Variants in POLR3E observed in about 807,000 individuals in gnomAD.
POLR3E encodes DNA-directed RNA polymerase III subunit RPC5.
POLR3E carries 41 observed loss-of-function variants against 96.6 expected under a neutral mutation model. The ratio of observed to expected loss-of-function variants is 0.42; its 90% confidence interval spans 0.33 to 0.55. The LOEUF (loss-of-function observed/expected upper bound fraction) is 0.55, where lower values mean the gene tolerates loss of function less well. Among genes scored for constraint, POLR3E ranks in the 20% least tolerant of loss-of-function variants. The pLI is 0.06. For synonymous variants in POLR3E, 396 were observed against 383.6 expected, an observed-to-expected ratio of 1.03 and a Z score of -0.38; for missense variants, 849 against 952.1, an observed-to-expected ratio of 0.89 and a Z score of 1.43.
chr16:22,327,207 G>T (rs1387895041), intron 18 of POLR3E: 2 of 152,338 alleles, frequency 1.3e-5, no homozygotes, highest in Admixed American at 6.5e-5. Context: ...CTTGGGTGAT[G>T]ATCTGAGGCC....
At position 22,309,174 on chromosome 16, in the gene POLR3E, C is replaced by T. The variant is rs573396861; in HGVS notation, c.281+134C>T. ...GTGTCCCAGCCTTTGGAGGGCTGGG[C>T]CTGTCTCAGACTCTGCCCTCCTGAA... On this transcript the variant is annotated intron_variant, in intron 5 of 20. Transcript: ENST00000299853. The T allele has an allele frequency of 2.7e-4, 181 of 678,160 alleles. No homozygotes were observed. In the African/African-American group the frequency reaches 2.8e-3, roughly 11 times the overall value. 42.0% of individuals were successfully genotyped at this position (678,160 alleles called of 1,614,324 possible).
At chr16:22,309,168 G>A in intron 5 of POLR3E, 128 bp downstream of exon 5, 1 of 693,218 alleles carries the variant, frequency 1.4e-6, no homozygotes. Flanking sequence ...CCTTTGGAGG[G>A]CTGGGCCTGT....
At chr16:22,309,159 C>G in intron 5 of POLR3E, 119 bp downstream of exon 5, 1 of 715,638 alleles carries the variant, frequency 1.4e-6, no homozygotes, top group Non-Finnish European at 2.4e-6. Context: ...GTGTCCCAGC[C>G]TTTGGAGGGC....
chr16:22,314,891 A>G (rs1264336457), intron 8 of POLR3E, 198 bp from the exon 9 acceptor site: 6 of 520,952 alleles, frequency 1.2e-5, no homozygotes, highest in Non-Finnish European at 2.0e-5. Context: ...ACGAGCAAGT[A>G]TAAGCCGTTC....
chr16:22,300,783 T>C (rs560164657), intron 1 of POLR3E, among the ~76,000 whole-genome samples: 8 of 152,228 alleles, frequency 5.3e-5, no homozygotes, highest in Non-Finnish European at 1.2e-4. Flanking sequence ...ACCCGCTCCA[T>C]GTCTTCCTCT....
intron 14 of POLR3E, 22 bp from the exon 15 acceptor site, chr16:22,324,332 T>G: frequency 6.2e-7 from 1 of 1,609,438 alleles, no homozygotes. Flanking sequence ...GCCCCTGGAA[T>G]GTGCTGCTTC....
At chr16:22,311,049 T>G (rs1255312435) in intron 6 of POLR3E, among the ~76,000 whole-genome samples, 2 of 152,200 alleles carry the variant, frequency 1.3e-5, no homozygotes, top group East Asian at 3.8e-4. Context: ...CACTGAAACC[T>G]CTGCCTTCCG....
intron 6 of POLR3E, among the ~76,000 whole-genome samples, chr16:22,310,631 A>AC (rs2048227191): frequency 6.6e-6 from 1 of 151,310 alleles, no homozygotes; most frequent in African/African-American, 2.4e-5. Flanking sequence ...TTAAAAAAAA[A>AC]AAAAAAAAGG....
At chr16:22,309,061 C>T (rs912179413) in intron 5 of POLR3E, 21 bp downstream of exon 5, 81 of 1,555,632 alleles carry the variant, frequency 5.2e-5, no homozygotes, top group Non-Finnish European at 6.6e-5. Context: ...GGCCCCAAGC[C>T]TGTCCGGTTT....
intron 14 of POLR3E, 129 bp from the exon 15 acceptor site, chr16:22,324,225 G>A: frequency 1.4e-6 from 1 of 699,990 alleles, no homozygotes. Flanking sequence ...CACACTGTTG[G>A]GAAGAATCAA....
chr16:22,305,363 T>C (rs1282530061), intron 3 of POLR3E, 157 bp downstream of exon 3: 1 of 717,730 alleles, frequency 1.4e-6, no homozygotes, highest in African/African-American at 1.7e-5. Context: ...GGGTTAATAT[T>C]GGTCTCATTT....
chr16:22,308,049 C>A, intron 3 of POLR3E, 99 bp from the exon 4 acceptor site: 1 of 849,524 alleles, frequency 1.2e-6, no homozygotes. Context: ...CCAGTCTCTG[C>A]TTGGGGTGGG....
intron 6 of POLR3E, among the ~76,000 whole-genome samples, chr16:22,312,873 CAAAAAAAAAAAA>C (rs1167609047): frequency 2.3e-4 from 7 of 30,406 alleles, no homozygotes; most frequent in African/African-American, 4.6e-4. Flanking sequence ...CACTCCATCT[CAAAAAAAAAAAA>C]AAAAAAAAAA....
At chr16:22,306,880 A>G (rs2048143964) in intron 3 of POLR3E, among the ~76,000 whole-genome samples, 1 of 152,140 alleles carries the variant, frequency 6.6e-6, no homozygotes, top group African/African-American at 2.4e-5. Context: ...GGAGGCCTTC[A>G]CGGGCACGGA....
At chr16:22,311,865 G>A (rs2141757505) in intron 6 of POLR3E, among the ~76,000 whole-genome samples, 1 of 152,230 alleles carries the variant, frequency 6.6e-6, no homozygotes, top group Admixed American at 6.5e-5. Flanking sequence ...GTAACATGCT[G>A]TACAGTGTGT....
intron 18 of POLR3E, 87 bp downstream of exon 18, chr16:22,326,365 C>G (rs1231688012): frequency 8.5e-7 from 1 of 1,176,024 alleles, no homozygotes; most frequent in Non-Finnish European, 1.2e-6. Flanking sequence ...ACACGGGAGG[C>G]CATGCTTGGT....
intron 19 of POLR3E, 169 bp from the exon 20 acceptor site, chr16:22,331,891 T>G: frequency 1.6e-6 from 1 of 623,798 alleles, no homozygotes; most frequent in Non-Finnish European, 2.8e-6. Context: ...TACACTGTCT[T>G]GCTGGGTCTC....
chr16:22,313,981 C>A lies in POLR3E; in HGVS notation c.473-98C>A. ...GGCAGCTCCCTCTGCGAGGAGAACT[C>A]CCAGCACCCCGGCCTGAGGCTTCCC... is the stretch of plus-strand genomic sequence containing the variant. On this transcript the variant is annotated intron_variant, in intron 7 of 20. Coordinates refer to ENST00000299853, the MANE Select transcript of POLR3E (RefSeq NM_018119.4). This position sits in a 1 kb window ranked among gnomAD's most constrained non-coding sequence, Gnocchi z 4.1. 1 of 1,096,650 alleles carries A rather than the reference C, an allele frequency of 9.1e-7. No individual in the cohort carries two copies. The allele number at this position is 1,096,650 out of a possible 1,614,324, so 67.9% of individuals were successfully genotyped here.
intron 6 of POLR3E, among the ~76,000 whole-genome samples, chr16:22,311,184 G>T (rs1317582618): frequency 1.3e-5 from 2 of 151,062 alleles, no homozygotes; most frequent in African/African-American, 4.9e-5. Flanking sequence ...GGCCAGGCTG[G>T]TCTCGAACTC....
Sources: allele counts gnomAD v4.1 joint callset (sites outside exome capture counted in the v4.1 genomes callset), GRCh38; gene constraint gnomAD v4.1.1; non-coding constraint Gnocchi (gnomAD v3.1); transcripts MANE v1.5; gene names NCBI Gene and HGNC (gene_info 2026-07-23, HGNC 2026-07-21).